The following MAGI1 variants were observed in gnomAD, a reference collection of about 807,000 sequenced individuals.
MAGI1 encodes the protein membrane-associated guanylate kinase, WW and PDZ domain-containing protein 1.
MAGI1 carries 58 observed loss-of-function variants against 139.9 expected under a neutral mutation model. The ratio of observed to expected loss-of-function variants is 0.41; its 90% CI spans 0.34 to 0.52. The LOEUF is 0.52. Ranked by LOEUF, MAGI1 falls within the 20% of genes least tolerant of loss-of-function variation. The probability of loss-of-function intolerance (pLI) is 0.12; values close to 1 mark genes in which losing one functional copy is unlikely to be tolerated. For missense variants in MAGI1, 1,874 were observed against 1,901.6 expected, an observed-to-expected ratio of 0.99 and a Z score of 0.27; for synonymous variants, 812 against 737.9, an observed-to-expected ratio of 1.10 and a Z score of -1.63.
intron 1 of MAGI1, among the ~76,000 whole-genome samples, chr3:65,797,860 T>C (rs2040247545): frequency 6.6e-6 from 1 of 152,176 alleles, no homozygotes; most frequent in Non-Finnish European, 1.5e-5. Flanking sequence ...TGTTGGGAAG[T>C]TTTGTCATCT....
intron 1 of MAGI1, among the ~76,000 whole-genome samples, chr3:65,906,773 C>G (rs183647324): frequency 8.4e-4 from 128 of 151,778 alleles, no homozygotes; most frequent in Middle Eastern, 6.8e-3. Flanking sequence ...ATAATCCCAG[C>G]TACTAGGGAG....
At chr3:66,031,992 T>C (rs2068625337) in intron 1 of MAGI1, among the ~76,000 whole-genome samples, 1 of 152,222 alleles carries the variant, frequency 6.6e-6, no homozygotes, top group African/African-American at 2.4e-5. Context: ...TTAATCCTTG[T>C]CAGTCATTTA....
chr3:65,911,175 T>C (rs2061652926), intron 1 of MAGI1, among the ~76,000 whole-genome samples: 1 of 152,018 alleles, frequency 6.6e-6, no homozygotes, highest in African/African-American at 2.4e-5. Context: ...GGTGGACTTT[T>C]GCTATCCAAC....
chr3:65,356,627 C>T lies in MAGI1; in HGVS notation c.4140G>A (p.Gln1380=), dbSNP rs756058727. The change falls in exon 23 of 23, where the codon CAG becomes CAA. Residue 1380 remains glutamine, a synonymous_variant. Coordinates refer to ENST00000402939, the MANE Select transcript of MAGI1 (RefSeq NM_001033057.2). ...CTCTCCTGCGCTCGGGGGACCTCCT[C>T]TGCTCCAGGAGTCTCTCCAGAGACC... The part of the protein sequence containing the change: ...RRRSLERLLE[Q]RRSPERRRGG... 2 of 1,591,172 alleles carry T rather than the reference C, an allele frequency of 1.3e-6. No homozygotes were observed. Among genetic ancestry groups the T allele is most frequent in the South Asian group, 1.1e-5 (1 of 88,422 alleles).
At chr3:65,713,091 G>A (rs947739882) in intron 1 of MAGI1, among the ~76,000 whole-genome samples, 21 of 152,198 alleles carry the variant, frequency 1.4e-4, no homozygotes, top group Non-Finnish European at 2.6e-4. Flanking sequence ...GTCCTAGAGA[G>A]AGAATAGCTT....
chr3:65,892,764 A>G (rs1335500557), intron 1 of MAGI1, among the ~76,000 whole-genome samples: 3 of 152,172 alleles, frequency 2.0e-5, no homozygotes, highest in African/African-American at 7.2e-5. Flanking sequence ...TAAAAAATGC[A>G]TTACAATCAT....
Position 66,038,372 on chromosome 3 carries a change from C to A in MAGI1, c.-64G>T, listed in dbSNP as rs1048552216. On this transcript the variant is annotated 5_prime_UTR_variant, in exon 1 of 23. Coordinates refer to ENST00000402939, the MANE Select transcript of MAGI1 (RefSeq NM_001033057.2). ...GACAGGTGCCCCCCACAGCACGAGC[C>A]CCCAAGCCTCCGCTTGTTCATGGGA... is the stretch of plus-strand genomic sequence containing the variant. 35 of 1,498,502 alleles carry A rather than the reference C, an allele frequency of 2.3e-5. No individual in the cohort carries two copies. In the Admixed American group the frequency reaches 7.0e-4, roughly 30 times the overall value. The allele number at this position is 1,498,502 out of a possible 1,614,324, so 92.8% of individuals were successfully genotyped here.
chr3:65,420,503 C>G (rs1946561487), intron 12 of MAGI1, among the ~76,000 whole-genome samples: 1 of 152,122 alleles, frequency 6.6e-6, no homozygotes, highest in Non-Finnish European at 1.5e-5. Flanking sequence ...CTCCCCTTCC[C>G]CTAGAATAAA....
chr3:66,002,532 T>C (rs1172246033), intron 1 of MAGI1, among the ~76,000 whole-genome samples: 2 of 152,110 alleles, frequency 1.3e-5, no homozygotes, highest in Admixed American at 6.5e-5. Flanking sequence ...TTTTTGTTTT[T>C]TGGGGACAGA....
chr3:66,000,683 GT>G (rs2066696077), intron 1 of MAGI1, among the ~76,000 whole-genome samples: 1 of 152,242 alleles, frequency 6.6e-6, no homozygotes, highest in African/African-American at 2.4e-5. Context: ...AGCCCCCATG[GT>G]GGGGCAGGAC....
chr3:65,523,654 C>T (rs1463023308), intron 2 of MAGI1, among the ~76,000 whole-genome samples: 1 of 152,070 alleles, frequency 6.6e-6, no homozygotes, highest in Non-Finnish European at 1.5e-5. Context: ...TGACCTCAAA[C>T]AATTTTGTTT....
chr3:65,669,840 C>T (rs1391333744), intron 1 of MAGI1, among the ~76,000 whole-genome samples: 1 of 152,102 alleles, frequency 6.6e-6, no homozygotes, highest in African/African-American at 2.4e-5. Flanking sequence ...ATTGAGATGC[C>T]TATGGTGTTG....
chr3:65,549,139 C>T (rs1451570076), intron 2 of MAGI1, among the ~76,000 whole-genome samples: 1 of 152,114 alleles, frequency 6.6e-6, no homozygotes, highest in Non-Finnish European at 1.5e-5. Flanking sequence ...AGAAACATGG[C>T]TGGCTGGAGC....
chr3:65,452,907 G>C (rs974763521), intron 6 of MAGI1: 10 of 200,946 alleles, frequency 5.0e-5, no homozygotes, highest in African/African-American at 2.3e-4. Context: ...TTAAACCTGA[G>C]AATGTGTGAC....
chr3:65,444,405 T>C (rs1232022679), intron 7 of MAGI1, among the ~76,000 whole-genome samples: 1 of 152,064 alleles, frequency 6.6e-6, no homozygotes, highest in Non-Finnish European at 1.5e-5. Flanking sequence ...TGGTGCACAG[T>C]CATACATTTG....
chr3:65,396,170 C>CCCA (rs1447740734), intron 13 of MAGI1, among the ~76,000 whole-genome samples: 1 of 152,136 alleles, frequency 6.6e-6, no homozygotes, highest in Non-Finnish European at 1.5e-5. Context: ...TATCCATGCA[C>CCCA]CACATCTCTA....
chr3:65,982,987 A>C (rs1056326972), intron 1 of MAGI1, among the ~76,000 whole-genome samples: 2 of 152,160 alleles, frequency 1.3e-5, no homozygotes, highest in African/African-American at 4.8e-5. Flanking sequence ...TGGCACAATC[A>C]TAGCTCACTG....
intron 1 of MAGI1, among the ~76,000 whole-genome samples, chr3:65,707,287 T>C (rs1356819013): frequency 1.3e-5 from 2 of 152,162 alleles, no homozygotes; most frequent in Non-Finnish European, 2.9e-5. Flanking sequence ...CTATGCCACA[T>C]AGAAGCACTT....
chr3:65,563,629 G>C (rs1381823480), intron 2 of MAGI1, among the ~76,000 whole-genome samples: 1 of 152,164 alleles, frequency 6.6e-6, no homozygotes, highest in Admixed American at 6.5e-5. Flanking sequence ...GAGACACCTT[G>C]AGAGTGGACC....
Sources: allele counts gnomAD v4.1 joint callset (sites outside exome capture counted in the v4.1 genomes callset), GRCh38; gene constraint gnomAD v4.1.1; transcripts MANE v1.5; gene names NCBI Gene and HGNC (gene_info 2026-07-23, HGNC 2026-07-21).